The following EXD1 variants were observed in gnomAD, a reference collection of about 807,000 sequenced individuals.
EXD1 encodes the protein exonuclease 3'-5' domain containing 1.
In EXD1, 63 loss-of-function variants were observed where a neutral mutation model predicts 49.1. The observed-to-expected ratio is 1.28, with a 90% CI of 1.05 to 1.58. The LOEUF (loss-of-function observed/expected upper bound fraction) is 1.58, where lower values mean the gene tolerates loss of function less well. Among genes scored for constraint, EXD1 ranks in the 40% most tolerant of loss-of-function variants. The probability of loss-of-function intolerance (pLI) is 0.00; values close to 1 mark genes in which losing one functional copy is unlikely to be tolerated. For missense variants in EXD1, 748 were observed against 666.0 expected (o/e 1.12, Z -1.36); for synonymous variants, 234 against 239.2 (o/e 0.98, Z 0.20).
chr15:41,220,395 C>T lies in EXD1; in HGVS notation c.134-497G>A, dbSNP rs542153889. On this transcript the variant is annotated intron_variant, in intron 2 of 11. Transcript: ENST00000458580. The stretch of plus-strand genomic sequence containing the variant: ...AAGCAATTCTCCTGCCTCAGCCTCC[C>T]GAGTAGCTCGGACTACAGGCACGAG... Among the ~76,000 whole-genome samples the T allele has an allele frequency of 1.6e-3, 243 of 152,080 alleles. 1 individual carries two copies. Among genetic ancestry groups the T allele is most frequent in the African/African-American group, 5.4e-3 (225 of 41,502 alleles).
chr15:41,230,651 G>A lies in EXD1; in HGVS notation c.-226C>T, dbSNP rs755980041. The stretch of plus-strand genomic sequence containing the variant: ...AGTCTCGGGACGCTCCACGCCACCC[G>A]GCGGCGGTTATCAAATCACAGGCTG... On this transcript the variant is annotated 5_prime_UTR_variant, in exon 1 of 12. Coordinates refer to ENST00000458580, the MANE Select transcript of EXD1 (RefSeq NM_001286441.2). The A allele has an allele frequency of 3.2e-6, 4 of 1,253,824 alleles. No homozygotes were observed. The highest frequency in any genetic ancestry group is 4.5e-6 in the Non-Finnish European group (4 of 890,874). The allele number at this position is 1,253,824 out of a possible 1,614,324, so 77.7% of individuals were successfully genotyped here. A position where few individuals can be genotyped will look rare whatever the true frequency, so the allele number is the denominator to read the frequency against.
rs79975461 is a variant in EXD1, at chr15:41,222,600, A to G, written c.134-2702T>C. Among the ~76,000 whole-genome samples, 768 of 150,082 alleles carry G rather than the reference A, an allele frequency of 5.1e-3. 3 individuals are homozygous for G. Among genetic ancestry groups the G allele is most frequent in the African/African-American group, 0.018 (739 of 40,910 alleles). ...ATCTCACACTCCATTATACCTGTCT[A>G]CCTATTTGTCTATTTATTATAGTAA... On this transcript the variant is annotated intron_variant, in intron 2 of 11. Coordinates refer to ENST00000458580, the MANE Select transcript of EXD1 (RefSeq NM_001286441.2).
chr15:41,190,976 C>T (rs538140447), intron 10 of EXD1, among the ~76,000 whole-genome samples: 3 of 152,014 alleles, frequency 2.0e-5, no homozygotes, highest in African/African-American at 4.8e-5. Flanking sequence ...TGCAGTGGCA[C>T]GATCTCAGCT....
rs1372884043 is a variant in EXD1, at chr15:41,183,519, G to T, written c.*412C>A. ...GAAAAAAGTACTGGTAAAGTTATCA[G>T]GTACCAATTTTTTAAATGAATTGTT... On this transcript the variant is annotated 3_prime_UTR_variant, in exon 12 of 12. Transcript: ENST00000458580. 6.4e-6 allele frequency: 1 copy of T among 156,290 alleles called. No individual in the cohort carries two copies. Among genetic ancestry groups the T allele is most frequent in the African/African-American group, 2.4e-5 (1 of 41,568 alleles). The allele number at this position is 156,290 out of a possible 1,614,324, so 9.7% of individuals were successfully genotyped here.
Position 41,216,794 on chromosome 15 carries a change from G to C in EXD1, c.262C>G (p.Leu88Val). ...TCCATCCAGGTTCTTTCTGCATGTA[G>C]ACTATCCTTACAAGAAACAATATTT... ...SVRAKASSVS[L>V]HAERTWMEKM... Residue 88 changes from leucine to valine, a missense_variant and splice_region_variant, in exon 5 of 12, where the codon CTA (leucine) becomes GTA (valine). By Grantham distance (32) the Leu-to-Val change is conservative. Transcript: ENST00000458580. 1 of 1,612,370 alleles carries C rather than the reference G, an allele frequency of 6.2e-7. No homozygotes were observed. The highest frequency in any genetic ancestry group is 8.5e-7 in the Non-Finnish European group (1 of 1,179,734).
chr15:41,221,442 T>C (rs943368882), intron 2 of EXD1, among the ~76,000 whole-genome samples: 1 of 140,284 alleles, frequency 7.1e-6, no homozygotes, highest in Admixed American at 6.9e-5. Flanking sequence ...TGGCTATTTT[T>C]CTTTTTTTTT....
At chr15:41,193,052 G>A (rs2046554103) in intron 9 of EXD1, among the ~76,000 whole-genome samples, 2 of 152,072 alleles carry the variant, frequency 1.3e-5, no homozygotes, top group East Asian at 3.9e-4. Context: ...CCAAAGTGCT[G>A]GGATTACAAG....
Position 41,219,914 on chromosome 15 carries a change from A to G in EXD1, c.134-16T>C, listed in dbSNP as rs1350440859. Reference sequence around the variant, plus strand: ...ACATTCTTCACTGTTACAGAAAACAATTCATTCAGTTAATTAAAATATTTT... The same window carrying G: ...ACATTCTTCACTGTTACAGAAAACAGTTCATTCAGTTAATTAAAATATTTT... On this transcript the variant is annotated splice_polypyrimidine_tract_variant and intron_variant, in intron 2 of 11. Transcript: ENST00000458580. The G allele has an allele frequency of 2.6e-6, 4 of 1,525,000 alleles. No individual in the cohort carries two copies. In the African/African-American group the frequency reaches 4.1e-5, roughly 16 times the overall value. 94.5% of individuals were successfully genotyped at this position (1,525,000 alleles called of 1,614,324 possible). A position where few individuals can be genotyped will look rare whatever the true frequency, so the allele number is the denominator to read the frequency against.
intron 6 of EXD1, among the ~76,000 whole-genome samples, chr15:41,211,202 C>T (rs1432118767): frequency 1.3e-5 from 2 of 152,010 alleles, no homozygotes; most frequent in Non-Finnish European, 2.9e-5. Flanking sequence ...GCTTCGACCT[C>T]CGGGGCTTAG....
Position 41,216,801 on chromosome 15 carries a change from C to T in EXD1, c.261-6G>A. ...AGGTTCTTTCTGCATGTAGACTATC[C>T]TTACAAGAAACAATATTTGGGTGAA... is the stretch of plus-strand genomic sequence containing the variant. On this transcript the variant is annotated splice_polypyrimidine_tract_variant and splice_region_variant and intron_variant, in intron 4 of 11. Transcript: ENST00000458580. The T allele has an allele frequency of 6.2e-7, 1 of 1,610,976 alleles. No homozygotes were observed.
At chr15:41,199,747 T>TTATATATCA in intron 7 of EXD1, among the ~76,000 whole-genome samples, 1 of 99,760 alleles carries the variant, frequency 1.0e-5, no homozygotes, top group Non-Finnish European at 1.9e-5. Context: ...ATGTCATATA[T>TTATATATCA]TATATATGAT....
chr15:41,184,822 T>C (rs1045161927), intron 11 of EXD1, among the ~76,000 whole-genome samples: 7 of 151,842 alleles, frequency 4.6e-5, no homozygotes, highest in Non-Finnish European at 8.8e-5. Flanking sequence ...GCCCAGCTAA[T>C]TTTTTTTCTA....
At chr15:41,220,604 C>A (rs2047073434) in intron 2 of EXD1, among the ~76,000 whole-genome samples, 1 of 151,998 alleles carries the variant, frequency 6.6e-6, no homozygotes. Context: ...TCATGTTATG[C>A]TACACACTCA....
chr15:41,229,784 C>CAACA (rs1555418648), intron 1 of EXD1, among the ~76,000 whole-genome samples: 4 of 152,006 alleles, frequency 2.6e-5, no homozygotes, highest in African/African-American at 9.7e-5. Context: ...ACAACAACAA[C>CAACA]AACAAACAAA....
At position 41,189,088 on chromosome 15, in the gene EXD1, C is replaced by T. The variant is rs186213234; in HGVS notation, c.1056+849G>A. 1.4e-3 allele frequency among the ~76,000 whole-genome samples: 216 copies of T among 152,006 alleles called. 2 individuals carry two copies. Among genetic ancestry groups the T allele is most frequent in the African/African-American group, 4.9e-3 (205 of 41,476 alleles). ...TGCTGCATAAGAATAAATATGGAGGCCAAGCACGGTGGCTTATGCCTATAA... is the reference window on the plus strand; with the variant it reads ...TGCTGCATAAGAATAAATATGGAGGTCAAGCACGGTGGCTTATGCCTATAA... On this transcript the variant is annotated intron_variant, in intron 11 of 11. Coordinates refer to ENST00000458580, the MANE Select transcript of EXD1 (RefSeq NM_001286441.2).
At chr15:41,202,434 C>A (rs1224563517) in intron 7 of EXD1, among the ~76,000 whole-genome samples, 1 of 152,006 alleles carries the variant, frequency 6.6e-6, no homozygotes, top group African/African-American at 2.4e-5. Context: ...GCCTCAGCCT[C>A]CCAAAGTGCT....
chr15:41,207,253 T>G (rs1203798097), intron 7 of EXD1, among the ~76,000 whole-genome samples: 1 of 151,192 alleles, frequency 6.6e-6, no homozygotes, highest in Non-Finnish European at 1.5e-5. Context: ...AAAAAAGTAG[T>G]GCCTCTGGCA....
chr15:41,199,511 C>T (rs941149807), intron 7 of EXD1, among the ~76,000 whole-genome samples: 1 of 149,142 alleles, frequency 6.7e-6, no homozygotes, highest in South Asian at 2.1e-4. Flanking sequence ...CACCCCTTCC[C>T]CCATACCTTG....
At chr15:41,209,759 G>A (rs1170626408) in intron 6 of EXD1, among the ~76,000 whole-genome samples, 172 bp from the exon 7 acceptor site, 2 of 143,768 alleles carry the variant, frequency 1.4e-5, no homozygotes, top group Non-Finnish European at 3.0e-5. Context: ...AAATAAATCA[G>A]CACTGAATAC....
Sources: gnomAD v4.1 joint callset for allele counts (sites outside exome capture counted in the v4.1 genomes callset) on GRCh38, gnomAD v4.1.1 for gene constraint, MANE v1.5 for transcripts, NCBI Gene and HGNC (gene_info 2026-07-23, HGNC 2026-07-21) for gene names.